The following NRCAM variants were observed in gnomAD, a reference collection of about 807,000 sequenced individuals.
The protein encoded by NRCAM is NgCAM-related cell adhesion molecule.
Under a neutral mutation model 156.5 loss-of-function variants are expected in NRCAM, and 83 were observed. The ratio of observed to expected loss-of-function variants is 0.53; its 90% CI spans 0.44 to 0.64. The LOEUF (loss-of-function observed/expected upper bound fraction) is 0.64, where lower values mean the gene tolerates loss of function less well. Ranked by LOEUF, NRCAM falls within the 30% of genes least tolerant of loss-of-function variation. NRCAM has a pLI of 0.00. For missense variants in NRCAM, 1,417 were observed against 1,597.3 expected (o/e 0.89, Z 1.92); for synonymous variants, 538 against 563.9 (o/e 0.95, Z 0.65).
At chr7:108,250,785 A>G (rs2096295147) in intron 3 of NRCAM, among the ~76,000 whole-genome samples, 4 of 152,310 alleles carry the variant, frequency 2.6e-5, no homozygotes, top group Admixed American at 2.6e-4. Context: ...ACAAAGCATA[A>G]ATGCTTGAGG....
chr7:108,306,359 T>C lies in NRCAM; in HGVS notation c.-107+6306A>G, dbSNP rs79058523. Among the ~76,000 whole-genome samples, 676 of 152,292 alleles carry C rather than the reference T, an allele frequency of 4.4e-3. 5 individuals carry two copies. Among genetic ancestry groups the C allele is most frequent in the African/African-American group, 0.015 (641 of 41,558 alleles). The stretch of plus-strand genomic sequence containing the variant: ...AATTTGTTTGCTTTGCTTTTACCAA[T>C]GTTAAAGGTAATTTTTCTGAATAGC... On this transcript the variant is annotated intron_variant, in intron 3 of 32. Transcript: ENST00000379028.
chr7:108,184,683 ATAAC>A (rs1426540931), intron 20 of NRCAM, 69 bp from the exon 21 acceptor site: 36 of 1,382,204 alleles, frequency 2.6e-5, no homozygotes, highest in Non-Finnish European at 3.3e-5. Context: ...GCTGCCAGCA[ATAAC>A]TAACAGGGCA....
intron 2 of NRCAM, among the ~76,000 whole-genome samples, chr7:108,325,657 T>C (rs2099060585): frequency 6.6e-6 from 1 of 152,140 alleles, no homozygotes; most frequent in Non-Finnish European, 1.5e-5. Flanking sequence ...ACTTACTACA[T>C]GTCTTATTGA....
At chr7:108,245,836 G>T (rs1198386963) in intron 3 of NRCAM, among the ~76,000 whole-genome samples, 1 of 152,208 alleles carries the variant, frequency 6.6e-6, no homozygotes, top group Non-Finnish European at 1.5e-5. Context: ...ATGATCATCT[G>T]AATACAGGAT....
At chr7:108,193,400 G>A (rs570308577) in intron 17 of NRCAM, among the ~76,000 whole-genome samples, 26 of 152,274 alleles carry the variant, frequency 1.7e-4, no homozygotes, top group African/African-American at 5.1e-4. Context: ...AGAGAGTGAG[G>A]CCTATAGCCA....
At chr7:108,171,535 CCT>C (rs2152048243) in intron 28 of NRCAM, among the ~76,000 whole-genome samples, 1 of 152,184 alleles carries the variant, frequency 6.6e-6, no homozygotes, top group East Asian at 1.9e-4. Flanking sequence ...ACTGCAACTC[CCT>C]GACTCATCTG....
At chr7:108,312,070 C>A (rs1334552206) in intron 3 of NRCAM, among the ~76,000 whole-genome samples, 1 of 152,086 alleles carries the variant, frequency 6.6e-6, no homozygotes, top group Non-Finnish European at 1.5e-5. Flanking sequence ...AGGGTCCATT[C>A]TAGAGCTGAT....
chr7:108,349,342 C>T (rs1365340491), intron 2 of NRCAM, among the ~76,000 whole-genome samples: 1 of 151,792 alleles, frequency 6.6e-6, no homozygotes, highest in East Asian at 1.9e-4. Context: ...GATCCCGGCT[C>T]ACTGCAAGCT....
At chr7:108,447,694 G>A (rs949755238) in intron 1 of NRCAM, among the ~76,000 whole-genome samples, 3 of 152,248 alleles carry the variant, frequency 2.0e-5, no homozygotes, top group African/African-American at 7.2e-5. Context: ...AATAACTTTA[G>A]CTTTCAATTC....
chr7:108,270,130 GTTGT>G (rs548358431), intron 3 of NRCAM, among the ~76,000 whole-genome samples: 204 of 152,308 alleles, frequency 1.3e-3, no homozygotes, highest in Non-Finnish European at 2.3e-3. Context: ...TTTGTAAGGA[GTTGT>G]TTGTTTGGTT....
chr7:108,253,155 A>G (rs1452228496), intron 3 of NRCAM, among the ~76,000 whole-genome samples: 2 of 152,236 alleles, frequency 1.3e-5, no homozygotes, highest in Admixed American at 1.3e-4. Flanking sequence ...GACACCCATG[A>G]AGTTTTAGAT....
At chr7:108,283,433 C>A (rs1350161166) in intron 3 of NRCAM, among the ~76,000 whole-genome samples, 4 of 152,170 alleles carry the variant, frequency 2.6e-5, no homozygotes, top group Non-Finnish European at 5.9e-5. Context: ...CCAGATTAGT[C>A]ACAATTGAAG....
intron 32 of NRCAM, among the ~76,000 whole-genome samples, chr7:108,152,833 T>C (rs1427998139): frequency 6.6e-6 from 1 of 152,134 alleles, no homozygotes; most frequent in Admixed American, 6.5e-5. Flanking sequence ...TGACTGTGAC[T>C]TGGACCAGAG....
In NRCAM at chr7:108,180,333, A is replaced by T; in HGVS notation, c.2741T>A (p.Met914Lys). 6.2e-7 allele frequency: 1 copy of T among 1,614,238 alleles called. No homozygotes were observed. The highest frequency in any genetic ancestry group is 8.5e-7 in the Non-Finnish European group (1 of 1,180,028). Residue 914 changes from methionine (M) to lysine (K), a missense_variant, in exon 25 of 33, where the codon ATG (methionine) becomes AAG (lysine). By Grantham distance (95) the Met-to-Lys change is moderately conservative (BLOSUM62 -1). Coordinates refer to ENST00000379028, the MANE Select transcript of NRCAM (RefSeq NM_001037132.4). ...GCTAAAGGGCTCTAGCCCCGGCAACATGCCATGAGTCTTGCTGCCTTGGAA... is the reference window on the plus strand; with the variant it reads ...GCTAAAGGGCTCTAGCCCCGGCAACTTGCCATGAGTCTTGCTGCCTTGGAA... ...LTFQGSKTHG[M>K]LPGLEPFSHY...
At chr7:108,429,206 T>C (rs1388378120) in intron 1 of NRCAM, among the ~76,000 whole-genome samples, 2 of 152,214 alleles carry the variant, frequency 1.3e-5, no homozygotes, top group Non-Finnish European at 2.9e-5. Flanking sequence ...TTTTTTCTTT[T>C]TGTGAGACAG....
intron 1 of NRCAM, among the ~76,000 whole-genome samples, chr7:108,422,520 G>A (rs1347128608): frequency 6.6e-6 from 1 of 152,128 alleles, no homozygotes; most frequent in Admixed American, 6.5e-5. Context: ...GACGCAGAGT[G>A]TGTAATATAA....
chr7:108,451,438 T>C (rs572611449), intron 1 of NRCAM, among the ~76,000 whole-genome samples: 1 of 152,204 alleles, frequency 6.6e-6, no homozygotes, highest in African/African-American at 2.4e-5. Context: ...CCATATGATC[T>C]AGCAGTCTCA....
intron 3 of NRCAM, among the ~76,000 whole-genome samples, chr7:108,293,179 G>A (rs2098358123): frequency 6.6e-6 from 1 of 152,068 alleles, no homozygotes; most frequent in South Asian, 2.1e-4. Flanking sequence ...CAGCCTTACT[G>A]CATCCACCCA....
intron 11 of NRCAM, among the ~76,000 whole-genome samples, chr7:108,217,191 G>C (rs138015281): frequency 0.041 from 6,303 of 152,302 alleles, 199 homozygotes; most frequent in East Asian, 0.11. Flanking sequence ...CTGCAGGTCT[G>C]CTGGAGTTTG....
Sources: gnomAD v4.1 joint callset for allele counts (sites outside exome capture counted in the v4.1 genomes callset) on GRCh38, gnomAD v4.1.1 for gene constraint, MANE v1.5 for transcripts, NCBI Gene and HGNC (gene_info 2026-07-23, HGNC 2026-07-21) for gene names.